The following COBL variants were observed in gnomAD, a reference collection of about 807,000 sequenced individuals.
The protein encoded by COBL is protein cordon-bleu.
COBL carries 51 observed loss-of-function variants against 98.8 expected under a neutral mutation model. The observed-to-expected ratio is 0.52, with a 90% CI of 0.41 to 0.65. The LOEUF is 0.65. Among genes scored for constraint, COBL ranks in the 30% least tolerant of loss-of-function variants. COBL has a pLI of 0.00. For missense variants in COBL, 1,617 were observed against 1,617.5 expected (o/e 1.00, Z 0.01); for synonymous variants, 634 against 651.7 (o/e 0.97, Z 0.41).
intron 2 of COBL, among the ~76,000 whole-genome samples, chr7:51,208,375 T>C (rs1276987161): frequency 3.2e-4 from 46 of 142,628 alleles, no homozygotes; most frequent in South Asian, 1.7e-3. Flanking sequence ...CCGCCCCGTC[T>C]GGGAGGGAGG....
At chr7:51,089,327 CAACA>C (rs1269944074) in intron 6 of COBL, among the ~76,000 whole-genome samples, 1 of 151,984 alleles carries the variant, frequency 6.6e-6, no homozygotes, top group Non-Finnish European at 1.5e-5. Flanking sequence ...CCAGCCTGGT[CAACA>C]TGGCAAAACC....
chr7:51,082,971 T>C (rs1793816686), intron 7 of COBL: 18 of 1,259,186 alleles, frequency 1.4e-5, no homozygotes, highest in Middle Eastern at 3.7e-4. Context: ...AAGACAAGAA[T>C]GGAAAATCTG....
intron 1 of COBL, among the ~76,000 whole-genome samples, chr7:51,296,109 A>G (rs1455947132): frequency 1.3e-5 from 2 of 152,204 alleles, no homozygotes; most frequent in Non-Finnish European, 2.9e-5. Flanking sequence ...CACTTTGCAC[A>G]TATCTCTATG....
chr7:51,239,010 G>A (rs940870327), intron 1 of COBL, among the ~76,000 whole-genome samples: 2 of 152,128 alleles, frequency 1.3e-5, no homozygotes, highest in African/African-American at 2.4e-5. Context: ...TAAACTTATG[G>A]TTAAATAAAA....
chr7:51,079,293 G>T (rs1338162375), intron 7 of COBL, among the ~76,000 whole-genome samples: 1 of 152,154 alleles, frequency 6.6e-6, no homozygotes, highest in Non-Finnish European at 1.5e-5. Flanking sequence ...GACTCTTGAG[G>T]GATGTCCTAC....
In COBL at chr7:51,096,095, T is replaced by C. The variant is rs140040929; in HGVS notation, c.958-10791A>G. Among the ~76,000 whole-genome samples the C allele has an allele frequency of 2.1e-3, 320 of 152,268 alleles. 2 individuals are homozygous for C. Among genetic ancestry groups the C allele is most frequent in the South Asian group, 0.011 (52 of 4,824 alleles). On this transcript the variant is annotated intron_variant, in intron 6 of 12. Transcript: ENST00000265136. Reference sequence around the variant, plus strand: ...TCTATGTTATATAGAACATTCTCTATGATAGATCACATTTAAAGCCACAAA... The same window carrying C: ...TCTATGTTATATAGAACATTCTCTACGATAGATCACATTTAAAGCCACAAA...
At chr7:51,085,050 A>G (rs781576004) in intron 7 of COBL, 116 bp downstream of exon 7, 4 of 1,438,800 alleles carry the variant, frequency 2.8e-6, no homozygotes, top group Non-Finnish European at 3.8e-6. Flanking sequence ...TAGCATTAAT[A>G]TTTTTTGGGT....
chr7:51,106,294 A>C (rs1332194113), intron 6 of COBL, among the ~76,000 whole-genome samples: 1 of 151,994 alleles, frequency 6.6e-6, no homozygotes, highest in Non-Finnish European at 1.5e-5. Flanking sequence ...GTATAGTCTT[A>C]ATTTCAAAAG....
At chr7:51,277,211 C>T (rs1216686894) in intron 1 of COBL, among the ~76,000 whole-genome samples, 1 of 152,194 alleles carries the variant, frequency 6.6e-6, no homozygotes, top group Non-Finnish European at 1.5e-5. Flanking sequence ...CAATGACCGA[C>T]TAAGTTAAAA....
intron 2 of COBL, among the ~76,000 whole-genome samples, chr7:51,213,393 C>T (rs144021798): frequency 5.9e-5 from 9 of 152,316 alleles, no homozygotes; most frequent in Middle Eastern, 3.4e-3. Flanking sequence ...CGTATGTGCT[C>T]CTTATGAGAA....
chr7:51,129,216 C>T (rs1459518509), intron 6 of COBL, among the ~76,000 whole-genome samples: 1 of 152,090 alleles, frequency 6.6e-6, no homozygotes, highest in African/African-American at 2.4e-5. Flanking sequence ...TCTCACAGTT[C>T]TGGAGGCTGA....
At chr7:51,272,581 C>T (rs932878474) in intron 1 of COBL, among the ~76,000 whole-genome samples, 1 of 152,172 alleles carries the variant, frequency 6.6e-6, no homozygotes, top group Non-Finnish European at 1.5e-5. Flanking sequence ...TGGGAACATG[C>T]ACACTCAGGA....
rs527477297 is a variant in COBL, at chr7:51,042,016, T to C, written c.1406+1367A>G. Among the ~76,000 whole-genome samples, 402 of 152,170 alleles carry C rather than the reference T, an allele frequency of 2.6e-3. 1 individual carries two copies. Among genetic ancestry groups the C allele is most frequent in the African/African-American group, 9.4e-3 (389 of 41,510 alleles). On this transcript the variant is annotated intron_variant, in intron 8 of 12. Coordinates refer to ENST00000265136, the MANE Select transcript of COBL (RefSeq NM_015198.5). ...CACATGGACACTTGATGTCTGACCA[T>C]AGTGGGGACAGGAATCAGTGGGAAA...
At chr7:51,126,975 A>C (rs1798273419) in intron 6 of COBL, among the ~76,000 whole-genome samples, 1 of 152,068 alleles carries the variant, frequency 6.6e-6, no homozygotes, top group African/African-American at 2.4e-5. Context: ...ATGTCTACTG[A>C]GGGTCCACCA....
intron 6 of COBL, among the ~76,000 whole-genome samples, chr7:51,086,013 T>G (rs1794201225): frequency 6.6e-6 from 1 of 152,180 alleles, no homozygotes; most frequent in Non-Finnish European, 1.5e-5. Context: ...GCAGGTCTAA[T>G]TGCTGAATGT....
intron 2 of COBL, among the ~76,000 whole-genome samples, chr7:51,201,780 T>C (rs1278383083): frequency 1.3e-5 from 2 of 152,068 alleles, no homozygotes; most frequent in Non-Finnish European, 2.9e-5. Context: ...CATAATGGAA[T>C]GACATTAGCA....
chr7:51,080,322 C>CA (rs1380039481), intron 7 of COBL, among the ~76,000 whole-genome samples: 1 of 152,114 alleles, frequency 6.6e-6, no homozygotes, highest in Non-Finnish European at 1.5e-5. Flanking sequence ...CACTGGTTTT[C>CA]AAAAAAGTGT....
At chr7:51,115,638 T>C (rs1220031563) in intron 6 of COBL, among the ~76,000 whole-genome samples, 1 of 152,144 alleles carries the variant, frequency 6.6e-6, no homozygotes, top group Non-Finnish European at 1.5e-5. Context: ...TTTAAGTATA[T>C]TGAGATGTGT....
At chr7:51,046,004 G>A (rs1386514276) in intron 7 of COBL, among the ~76,000 whole-genome samples, 2 of 152,286 alleles carry the variant, frequency 1.3e-5, no homozygotes, top group East Asian at 1.9e-4. Context: ...CCCATGGCCC[G>A]TGTGGCCTGG....
Sources: allele counts gnomAD v4.1 joint callset (sites outside exome capture counted in the v4.1 genomes callset), GRCh38; gene constraint gnomAD v4.1.1; transcripts MANE v1.5; gene names NCBI Gene and HGNC (gene_info 2026-07-23, HGNC 2026-07-21).